STARD13: variants seen among roughly 807,000 people sequenced by gnomAD.
The protein encoded by STARD13 is StAR related lipid transfer domain containing 13.
STARD13 carries 62 observed loss-of-function variants against 106.4 expected under a neutral mutation model. The ratio of observed to expected loss-of-function variants is 0.58; its 90% CI spans 0.48 to 0.72. The LOEUF is 0.72. Ranked by LOEUF, STARD13 falls within the 30% of genes least tolerant of loss-of-function variation. The pLI, the probability that STARD13 is intolerant of heterozygous loss-of-function variation, is 0.00. For synonymous variants in STARD13, 565 were observed against 553.0 expected (o/e 1.02, Z -0.31); for missense variants, 1,387 against 1,424.0 (o/e 0.97, Z 0.42).
At chr13:33,437,761 A>G in the STARD13 span, among the ~76,000 whole-genome samples, 1 of 152,250 alleles carries the variant, frequency 6.6e-6, no homozygotes, top group Non-Finnish European at 1.5e-5. Flanking sequence ...AATTGTTCTC[A>G]GATATACTTC....
Position 33,127,499 on chromosome 13 carries a change from G to T in STARD13, c.1796C>A (p.Ala599Asp). 1 of 1,583,306 alleles carries T rather than the reference G, an allele frequency of 6.3e-7. No individual in the cohort carries two copies. The highest frequency in any genetic ancestry group is 1.3e-5 in the African/African-American group (1 of 74,590). Residue 599 changes from alanine (A) to aspartate (D), a missense_variant, in exon 6 of 14, where the codon GCC becomes GAC. Coordinates refer to ENST00000336934, the MANE Select transcript of STARD13 (RefSeq NM_178006.4). ...SFQLSHQPRPAPASPHISSQT... is the reference protein window; with the variant it reads ...SFQLSHQPRPDPASPHISSQT... ...GCTGCTGATGTGGGGCGATGCTGGG[G>T]CCGGCCGGGGCTGGTGCGACAGCTG... is the stretch of plus-strand genomic sequence containing the variant.
chr13:33,676,410 T>C, the STARD13 span, among the ~76,000 whole-genome samples: 1 of 152,224 alleles, frequency 6.6e-6, no homozygotes, highest in Non-Finnish European at 1.5e-5. Context: ...CCCAGTCTAT[T>C]CTGGACACTT....
the STARD13 span, among the ~76,000 whole-genome samples, chr13:33,362,265 G>A: frequency 6.6e-6 from 1 of 152,114 alleles, no homozygotes; most frequent in Non-Finnish European, 1.5e-5. Context: ...AAGAGCAAGG[G>A]TGAGGGACAA....
At chr13:33,509,581 G>C in the STARD13 span, among the ~76,000 whole-genome samples, 3 of 152,188 alleles carry the variant, frequency 2.0e-5, no homozygotes, top group African/African-American at 4.8e-5. Context: ...AATGGCTAGG[G>C]AGAGGGGTAG....
chr13:33,121,948 C>T (rs1324486243), intron 7 of STARD13, among the ~76,000 whole-genome samples: 1 of 151,978 alleles, frequency 6.6e-6, no homozygotes, highest in East Asian at 1.9e-4. Context: ...TGGGTTCAAG[C>T]AATTCTCCTG....
At chr13:33,625,338 G>A in the STARD13 span, among the ~76,000 whole-genome samples, 7 of 152,136 alleles carry the variant, frequency 4.6e-5, no homozygotes, top group Non-Finnish European at 7.4e-5. Context: ...TTGGGAGGCC[G>A]AGGCGGGCAG....
chr13:33,622,614 CAAA>C, the STARD13 span, among the ~76,000 whole-genome samples: 1,584 of 27,994 alleles, frequency 0.057, 21 homozygotes, highest in African/African-American at 0.16. Flanking sequence ...GACTCCGTCT[CAAA>C]AAAAAAAAAA....
intron 1 of STARD13, among the ~76,000 whole-genome samples, chr13:33,226,149 T>C (rs1244095239): frequency 6.6e-6 from 1 of 152,198 alleles, no homozygotes; most frequent in Non-Finnish European, 1.5e-5. Context: ...CAGACTTCCA[T>C]CCTCCAGAAC....
chr13:33,567,968 G>A, the STARD13 span, among the ~76,000 whole-genome samples: 1 of 147,654 alleles, frequency 6.8e-6, no homozygotes, highest in Non-Finnish European at 1.5e-5. Flanking sequence ...AGTGTTTGTG[G>A]GTTTGCTTTT....
chr13:33,608,944 G>A, the STARD13 span, among the ~76,000 whole-genome samples: 3 of 151,594 alleles, frequency 2.0e-5, no homozygotes, highest in Non-Finnish European at 4.4e-5. Context: ...AAATTAGCCG[G>A]GCGTGGTGGC....
At chr13:33,532,346 CTAAA>C in the STARD13 span, among the ~76,000 whole-genome samples, 1 of 152,128 alleles carries the variant, frequency 6.6e-6, no homozygotes, top group African/African-American at 2.4e-5. Flanking sequence ...CTTTTCCCCT[CTAAA>C]TAGTCAAAGG....
chr13:33,567,532 T>C, the STARD13 span, among the ~76,000 whole-genome samples: 1 of 148,392 alleles, frequency 6.7e-6, no homozygotes, highest in Non-Finnish European at 1.5e-5. Flanking sequence ...TTGATAATTC[T>C]TGTCTATAAT....
chr13:33,211,426 A>G (rs2858128), intron 1 of STARD13, among the ~76,000 whole-genome samples: 51,794 of 151,836 alleles, frequency 0.34, 9,115 homozygotes, highest in Middle Eastern at 0.44. Flanking sequence ...TTCCAAACTT[A>G]TTATGCATAT....
At chr13:33,668,238 G>A in the STARD13 span, among the ~76,000 whole-genome samples, 1 of 152,134 alleles carries the variant, frequency 6.6e-6, no homozygotes, top group Non-Finnish European at 1.5e-5. Flanking sequence ...CTACCTAATT[G>A]TTTCAAATAT....
At chr13:33,529,967 T>C in the STARD13 span, among the ~76,000 whole-genome samples, 1 of 152,148 alleles carries the variant, frequency 6.6e-6, no homozygotes, top group African/African-American at 2.4e-5. Context: ...ATGGGAGCCC[T>C]GTGAAATTTT....
intron 7 of STARD13, among the ~76,000 whole-genome samples, chr13:33,123,706 T>C (rs1319374597): frequency 6.6e-6 from 1 of 152,220 alleles, no homozygotes; most frequent in Non-Finnish European, 1.5e-5. Context: ...TTGCATCATA[T>C]AGAAACTGCT....
intron 1 of STARD13, among the ~76,000 whole-genome samples, chr13:33,326,909 G>A (rs545879560): frequency 1.3e-5 from 2 of 152,178 alleles, no homozygotes; most frequent in African/African-American, 2.4e-5. Context: ...GACACTTCAC[G>A]GTCACATGCC....
chr13:33,262,638 ACCCC>A (rs750644449), intron 1 of STARD13, among the ~76,000 whole-genome samples: 2 of 56,398 alleles, frequency 3.5e-5, no homozygotes, highest in African/African-American at 1.7e-4. Flanking sequence ...CACACCCAGA[ACCCC>A]CCCCCCCACA....
the STARD13 span, among the ~76,000 whole-genome samples, chr13:33,401,271 G>C: frequency 1.3e-5 from 2 of 152,144 alleles, no homozygotes; most frequent in Admixed American, 1.3e-4. Context: ...GCAAAACTAG[G>C]ATGGAGTTTT....
Sources: allele counts gnomAD v4.1 joint callset (sites outside exome capture counted in the v4.1 genomes callset), GRCh38; gene constraint gnomAD v4.1.1; transcripts MANE v1.5; gene names NCBI Gene and HGNC (gene_info 2026-07-23, HGNC 2026-07-21).